TOX: variants seen among roughly 807,000 people sequenced by gnomAD.
TOX encodes the protein thymocyte selection-associated high mobility group box protein TOX.
TOX carries 11 observed loss-of-function variants against 53.7 expected under a neutral mutation model. The observed-to-expected ratio is 0.20, with a 90% CI of 0.13 to 0.34. The LOEUF (loss-of-function observed/expected upper bound fraction) is 0.34, where lower values mean the gene tolerates loss of function less well. Ranked by LOEUF, TOX falls within the 10% of genes least tolerant of loss-of-function variation. The pLI, the probability that TOX is intolerant of heterozygous loss-of-function variation, is 1.00. For synonymous variants in TOX, 225 were observed against 245.3 expected, an observed-to-expected ratio of 0.92 and a Z score of 0.77; for missense variants, 570 against 664.6, an observed-to-expected ratio of 0.86 and a Z score of 1.56.
At chr8:59,068,864 A>G (rs952168529) in intron 1 of TOX, among the ~76,000 whole-genome samples, 1 of 152,182 alleles carries the variant, frequency 6.6e-6, no homozygotes, top group African/African-American at 2.4e-5. Flanking sequence ...GGAAGCATAT[A>G]GAGCTGAAGT....
intron 1 of TOX, among the ~76,000 whole-genome samples, chr8:59,068,671 GA>G (rs1471557439): frequency 6.6e-6 from 1 of 152,144 alleles, no homozygotes; most frequent in Non-Finnish European, 1.5e-5. Flanking sequence ...CCATTTTAAT[GA>G]TTAGGAAACT....
chr8:59,028,235 C>T (rs779530919), intron 1 of TOX, among the ~76,000 whole-genome samples: 6 of 151,964 alleles, frequency 3.9e-5, no homozygotes, highest in East Asian at 1.9e-4. Context: ...TCAATAAGAA[C>T]GAACTTTTTT....
intron 1 of TOX, among the ~76,000 whole-genome samples, chr8:59,017,129 C>T (rs1450722975): frequency 2.6e-5 from 4 of 152,244 alleles, no homozygotes; most frequent in Non-Finnish European, 5.9e-5. Context: ...AGGACATCGT[C>T]TAGCTTATCT....
chr8:59,001,562 C>T (rs543627091), intron 1 of TOX, among the ~76,000 whole-genome samples: 1 of 152,148 alleles, frequency 6.6e-6, no homozygotes, highest in Non-Finnish European at 1.5e-5. Flanking sequence ...TGTAAGCACA[C>T]AGGGATGCTC....
At chr8:58,894,949 G>A (rs1359902222) in intron 3 of TOX, among the ~76,000 whole-genome samples, 2 of 151,802 alleles carry the variant, frequency 1.3e-5, no homozygotes, top group Non-Finnish European at 2.9e-5. Flanking sequence ...CAGCACTTTG[G>A]GAGGCGGAGG....
intron 3 of TOX, among the ~76,000 whole-genome samples, chr8:58,877,941 G>C (rs771064085): frequency 2.0e-5 from 3 of 151,990 alleles, no homozygotes; most frequent in Non-Finnish European, 4.4e-5. Context: ...AGGGTAATGA[G>C]GATGACAGAG....
chr8:59,088,337 C>CA (rs781018558), intron 1 of TOX, among the ~76,000 whole-genome samples: 3 of 152,228 alleles, frequency 2.0e-5, no homozygotes, highest in Admixed American at 6.5e-5. Context: ...GGATAGGTAA[C>CA]AATGTGAAGG....
chr8:59,038,403 C>G (rs1299400423), intron 1 of TOX, among the ~76,000 whole-genome samples: 1 of 152,136 alleles, frequency 6.6e-6, no homozygotes, highest in Non-Finnish European at 1.5e-5. Flanking sequence ...TTATTATAAT[C>G]AGAAATTTGT....
chr8:59,062,336 C>T (rs961033559), intron 1 of TOX, among the ~76,000 whole-genome samples: 3 of 152,158 alleles, frequency 2.0e-5, no homozygotes, highest in Non-Finnish European at 4.4e-5. Context: ...AGGTACACAG[C>T]GGAAGAACAT....
chr8:58,910,478 T>C (rs1309946959), intron 3 of TOX, among the ~76,000 whole-genome samples: 4 of 152,194 alleles, frequency 2.6e-5, no homozygotes, highest in Non-Finnish European at 5.9e-5. Flanking sequence ...AGAAATACCA[T>C]GAAGTTTCAA....
At chr8:59,044,572 T>C (rs1803651752) in intron 1 of TOX, among the ~76,000 whole-genome samples, 1 of 152,242 alleles carries the variant, frequency 6.6e-6, no homozygotes, top group African/African-American at 2.4e-5. Flanking sequence ...GAAATTTTTA[T>C]GATTTAAAGT....
At chr8:58,927,054 T>A (rs1013874448) in intron 3 of TOX, among the ~76,000 whole-genome samples, 1 of 152,102 alleles carries the variant, frequency 6.6e-6, no homozygotes, top group Non-Finnish European at 1.5e-5. Context: ...CACCTTTTTT[T>A]TTTTTTTCTT....
chr8:58,947,948 G>T (rs1812551162), intron 2 of TOX, among the ~76,000 whole-genome samples: 1 of 152,210 alleles, frequency 6.6e-6, no homozygotes, highest in South Asian at 2.1e-4. Context: ...TCTAAGATAA[G>T]GTCAAGGGCA....
intron 1 of TOX, among the ~76,000 whole-genome samples, chr8:59,007,229 T>C (rs1813807495): frequency 6.6e-6 from 1 of 152,132 alleles, no homozygotes; most frequent in African/African-American, 2.4e-5. Flanking sequence ...ATCTTTTTTT[T>C]TTTCTTCAGT....
intron 1 of TOX, among the ~76,000 whole-genome samples, chr8:59,116,000 T>A (rs1210060230): frequency 1.3e-5 from 2 of 151,964 alleles, no homozygotes; most frequent in Non-Finnish European, 2.9e-5. Context: ...GTCAGCAGAG[T>A]AAAACAATCA....
rs540198156 is a variant in TOX, at chr8:58,814,353, G to A, written c.1392+985C>T. ...TAATTGGAGTATATAAGTGATACCTGCATTTAATGTGATTTGTAGTTTTTA... is the reference window on the plus strand; with the variant it reads ...TAATTGGAGTATATAAGTGATACCTACATTTAATGTGATTTGTAGTTTTTA... On this transcript the variant is annotated intron_variant, in intron 7 of 8. Transcript: ENST00000361421. 9.2e-5 allele frequency: 14 copies of A among 152,096 alleles called. No homozygotes were observed. The South Asian group carries it at 2.9e-3, about 32-fold the overall frequency. 9.4% of individuals were successfully genotyped at this position (152,096 alleles called of 1,614,324 possible).
At chr8:58,909,145 CAGTT>C (rs1303310085) in intron 3 of TOX, among the ~76,000 whole-genome samples, 2 of 152,176 alleles carry the variant, frequency 1.3e-5, no homozygotes, top group Non-Finnish European at 2.9e-5. Flanking sequence ...CACCCTGAAA[CAGTT>C]AGACCCAATA....
At chr8:58,822,637 G>C (rs1377340391) in intron 6 of TOX, among the ~76,000 whole-genome samples, 1 of 152,212 alleles carries the variant, frequency 6.6e-6, no homozygotes, top group African/African-American at 2.4e-5. Context: ...TGTTGGTAGT[G>C]GGGGTAGCAG....
intron 3 of TOX, among the ~76,000 whole-genome samples, chr8:58,859,676 C>A (rs1186166975): frequency 6.6e-6 from 1 of 152,192 alleles, no homozygotes; most frequent in Non-Finnish European, 1.5e-5. Context: ...TGCCTGACTT[C>A]TACATTACCT....
Sources: gnomAD v4.1 joint callset for allele counts (sites outside exome capture counted in the v4.1 genomes callset) on GRCh38, gnomAD v4.1.1 for gene constraint, MANE v1.5 for transcripts, NCBI Gene and HGNC (gene_info 2026-07-23, HGNC 2026-07-21) for gene names.